CISD2: variants seen among roughly 807,000 people sequenced by gnomAD.
CISD2 encodes the protein CDGSH iron-sulfur domain-containing protein 2.
Under a neutral mutation model 12.9 loss-of-function variants are expected in CISD2, and 1 was observed. That is an observed-to-expected ratio of 0.08 (90% CI 0.03 to 0.37). The LOEUF is 0.37. Ranked by LOEUF, CISD2 falls within the 10% of genes least tolerant of loss-of-function variation. The pLI is 0.99. For synonymous variants in CISD2, 50 were observed against 60.6 expected, an observed-to-expected ratio of 0.83 and a Z score of 0.81; for missense variants, 97 against 163.1, an observed-to-expected ratio of 0.59 and a Z score of 2.21.
rs1234272461 is a variant in CISD2 at position 102,888,838 on chromosome 4, C to A, written c.*1408C>A. ...ACCATTTAACTCCCTTCACTGAGTG[C>A]GTTTCTGAGACCTTGCTAGGCACTC... On this transcript the variant is annotated 3_prime_UTR_variant, in exon 3 of 3. Transcript: ENST00000273986. 1 of 152,194 alleles carries A rather than the reference C, an allele frequency of 6.6e-6. No individual in the cohort carries two copies. Among genetic ancestry groups the A allele is most frequent in the African/African-American group, 2.4e-5 (1 of 41,450 alleles). 9.4% of individuals were successfully genotyped at this position (152,194 alleles called of 1,614,324 possible).
intron 1 of CISD2, among the ~76,000 whole-genome samples, chr4:102,871,945 C>A (rs2110391598): frequency 1.9e-5 from 2 of 104,624 alleles, no homozygotes; most frequent in South Asian, 5.8e-4. Flanking sequence ...TCTTTAATGA[C>A]CATATACTAG....
chr4:102,871,001 T>A (rs1733431335), intron 1 of CISD2, among the ~76,000 whole-genome samples: 1 of 152,196 alleles, frequency 6.6e-6, no homozygotes, highest in African/African-American at 2.4e-5. Context: ...AACGGTATGA[T>A]CATATTGTGA....
chr4:102,884,016 T>C (rs1024951584), intron 1 of CISD2, among the ~76,000 whole-genome samples: 7 of 152,198 alleles, frequency 4.6e-5, no homozygotes, highest in Admixed American at 3.9e-4. Context: ...AATAATTCCA[T>C]TTTGGAAGAG....
chr4:102,873,549 A>G (rs1171507801), intron 1 of CISD2, among the ~76,000 whole-genome samples: 3 of 152,000 alleles, frequency 2.0e-5, no homozygotes, highest in Admixed American at 6.6e-5. Context: ...TGCTGAAATT[A>G]TAGGTGTGAG....
intron 1 of CISD2, among the ~76,000 whole-genome samples, chr4:102,881,245 T>C (rs1733713850): frequency 6.6e-6 from 1 of 152,092 alleles, no homozygotes; most frequent in Non-Finnish European, 1.5e-5. Flanking sequence ...GTTGATCTCA[T>C]GGAGATAGTC....
rs568262885 is a variant in CISD2 at position 102,879,167 on chromosome 4, G to A, written c.104-6049G>A. Among the ~76,000 whole-genome samples the A allele has an allele frequency of 5.3e-5, 8 of 152,224 alleles. No individual in the cohort carries two copies. The South Asian group carries it at 1.0e-3, about 20-fold the overall frequency. ...CCAACCACCAGGTTCCTCCCTTGAC[G>A]TGGGGATTATGGGATTACAATTTGA... On this transcript the variant is annotated intron_variant, in intron 1 of 2. Coordinates refer to ENST00000273986, the MANE Select transcript of CISD2 (RefSeq NM_001008388.5).
chr4:102,885,041 A>AGGT, intron 1 of CISD2, 175 bp from the exon 2 acceptor site: 2 of 598,870 alleles, frequency 3.3e-6, no homozygotes, highest in Non-Finnish European at 6.0e-6. Context: ...AAATAAAGTA[A>AGGT]GGTGGTCTTT....
chr4:102,876,535 G>C (rs1560902714), intron 1 of CISD2, among the ~76,000 whole-genome samples: 1 of 152,168 alleles, frequency 6.6e-6, no homozygotes, highest in Admixed American at 6.5e-5. Flanking sequence ...AGATCATGAG[G>C]TCAGGAGATC....
chr4:102,881,453 GATAA>G (rs1313428434), intron 1 of CISD2, among the ~76,000 whole-genome samples: 6 of 152,186 alleles, frequency 3.9e-5, no homozygotes, highest in Admixed American at 3.9e-4. Flanking sequence ...ATAAATAAAT[GATAA>G]ATGAGGTGAC....
At chr4:102,869,683 G>A (rs1733375211) in intron 1 of CISD2, among the ~76,000 whole-genome samples, 2 of 152,110 alleles carry the variant, frequency 1.3e-5, no homozygotes, top group African/African-American at 4.8e-5. Context: ...ATTTAGTAAC[G>A]AAATTAGGAG....
At chr4:102,869,353 G>A (rs1031066921) in intron 1 of CISD2, 166 bp downstream of exon 1, 3 of 883,878 alleles carry the variant, frequency 3.4e-6, no homozygotes, top group African/African-American at 3.3e-5. Flanking sequence ...CCTGGGGAAC[G>A]CCTGTGAGGC....
chr4:102,873,328 C>T (rs1348310065), intron 1 of CISD2, among the ~76,000 whole-genome samples: 1 of 151,954 alleles, frequency 6.6e-6, no homozygotes, highest in African/African-American at 2.4e-5. Context: ...GTGCAGGTGG[C>T]ATGATCTCTA....
At chr4:102,880,741 C>T (rs1733699084) in intron 1 of CISD2, among the ~76,000 whole-genome samples, 1 of 151,688 alleles carries the variant, frequency 6.6e-6, no homozygotes, top group African/African-American at 2.4e-5. Context: ...GCCTGTAATC[C>T]CAGCACTTTG....
At chr4:102,877,428 A>G (rs933418714) in intron 1 of CISD2, among the ~76,000 whole-genome samples, 5 of 152,334 alleles carry the variant, frequency 3.3e-5, no homozygotes, top group Admixed American at 2.0e-4. Flanking sequence ...CCTTGACCCC[A>G]TGTCACATCT....
rs1734265816 is a variant in CISD2, at chr4:102,891,897, C to T, written c.*4467C>T. ...TCAACATCCGGTTGGCCATATAGTC[C>T]CTTTGCACCACAGAGGTTGGAGTAT... On this transcript the variant is annotated 3_prime_UTR_variant, in exon 3 of 3. Coordinates refer to ENST00000273986, the MANE Select transcript of CISD2 (RefSeq NM_001008388.5). The T allele has an allele frequency of 6.6e-6, 1 of 152,036 alleles. No homozygotes were observed. The highest frequency in any genetic ancestry group is 2.1e-4 in the South Asian group (1 of 4,822). The allele number at this position is 152,036 out of a possible 1,614,324, so 9.4% of individuals were successfully genotyped here. A position where few individuals can be genotyped will look rare whatever the true frequency, so the allele number is the denominator to read the frequency against.
rs1047736032 is a variant in CISD2 at position 102,892,354 on chromosome 4, C to T, written c.*4924C>T. The T allele has an allele frequency of 2.0e-5, 3 of 152,200 alleles. 1 individual carries two copies. Among genetic ancestry groups the T allele is most frequent in the Admixed American group, 1.3e-4 (2 of 15,270 alleles). 9.4% of individuals were successfully genotyped at this position (152,200 alleles called of 1,614,324 possible). A position where few individuals can be genotyped will look rare whatever the true frequency, so the allele number is the denominator to read the frequency against. On this transcript the variant is annotated 3_prime_UTR_variant, in exon 3 of 3. Transcript: ENST00000273986. ...GGATTGCAGGCATGAGCAACCATGCCTGGTGTTTTATCTTTTGCAGAAATC... is the reference window on the plus strand; with the variant it reads ...GGATTGCAGGCATGAGCAACCATGCTTGGTGTTTTATCTTTTGCAGAAATC...
At chr4:102,885,840 A>G (rs1733882692) in intron 2 of CISD2, among the ~76,000 whole-genome samples, 1 of 152,208 alleles carries the variant, frequency 6.6e-6, no homozygotes, top group Admixed American at 6.5e-5. Context: ...TTTTAACCTG[A>G]TACATCCACA....
chr4:102,873,841 A>G (rs1733525649), intron 1 of CISD2, among the ~76,000 whole-genome samples: 1 of 151,986 alleles, frequency 6.6e-6, no homozygotes, highest in Non-Finnish European at 1.5e-5. Context: ...TTGGCAAAAC[A>G]GGCCAGGTAC....
chr4:102,885,763 T>C (rs926373239), intron 2 of CISD2, among the ~76,000 whole-genome samples: 1 of 152,238 alleles, frequency 6.6e-6, no homozygotes, highest in Admixed American at 6.5e-5. Context: ...TGGTCAAATA[T>C]ACTTGTCACA....
Sources: allele counts gnomAD v4.1 joint callset (sites outside exome capture counted in the v4.1 genomes callset), GRCh38; gene constraint gnomAD v4.1.1; transcripts MANE v1.5; gene names NCBI Gene and HGNC (gene_info 2026-07-23, HGNC 2026-07-21).